The following NELL1 variants were observed in gnomAD, a reference collection of about 807,000 sequenced individuals.
NELL1 encodes the protein neural EGFL like 1.
In NELL1, 76 loss-of-function variants were observed where a neutral mutation model predicts 107.4. The observed-to-expected ratio is 0.71, with a 90% CI of 0.59 to 0.86. The LOEUF (loss-of-function observed/expected upper bound fraction) is 0.86. Ranked by LOEUF, NELL1 falls within the 40% of genes least tolerant of loss-of-function variation. The pLI is 0.00. For synonymous variants in NELL1, 353 were observed against 341.2 expected (o/e 1.03, Z -0.38); for missense variants, 1,024 against 1,005.5 (o/e 1.02, Z -0.25).
chr11:20,673,830 C>T (rs574050549), intron 1 of NELL1, among the ~76,000 whole-genome samples: 4 of 144,894 alleles, frequency 2.8e-5, no homozygotes, highest in African/African-American at 1.0e-4. Flanking sequence ...GGACAAGAAG[C>T]AGAAACAATA....
intron 12 of NELL1, among the ~76,000 whole-genome samples, chr11:20,965,156 A>G (rs947703406): frequency 1.3e-5 from 2 of 152,198 alleles, no homozygotes; most frequent in African/African-American, 4.8e-5. Flanking sequence ...TTGAGTCATC[A>G]GGAGTTTGCT....
At chr11:21,302,308 T>C (rs936278242) in intron 14 of NELL1, among the ~76,000 whole-genome samples, 2 of 152,042 alleles carry the variant, frequency 1.3e-5, no homozygotes, top group African/African-American at 4.8e-5. Flanking sequence ...CTGAGGTGTC[T>C]CTTGTTTTCC....
intron 15 of NELL1, among the ~76,000 whole-genome samples, chr11:21,474,080 A>G (rs1179867711): frequency 1.3e-5 from 2 of 151,992 alleles, no homozygotes; most frequent in African/African-American, 4.8e-5. Context: ...TGTGATCTCA[A>G]TCTGGGCCTA....
chr11:21,061,036 C>A (rs1853729216), intron 12 of NELL1, among the ~76,000 whole-genome samples: 4 of 152,172 alleles, frequency 2.6e-5, no homozygotes, highest in Admixed American at 2.6e-4. Flanking sequence ...CGCCTGGCCC[C>A]ACCCTTTCTT....
At chr11:21,476,629 A>C (rs1854339896) in intron 15 of NELL1, among the ~76,000 whole-genome samples, 2 of 152,154 alleles carry the variant, frequency 1.3e-5, no homozygotes, top group Admixed American at 1.3e-4. Flanking sequence ...AGAACCAAAA[A>C]TCACTGTGAG....
intron 14 of NELL1, among the ~76,000 whole-genome samples, chr11:21,274,439 C>G (rs1357830644): frequency 6.6e-6 from 1 of 152,210 alleles, no homozygotes; most frequent in Non-Finnish European, 1.5e-5. Context: ...GACTCCCACA[C>G]AATAACAATG....
rs538990373 is a variant in NELL1 at position 21,228,899 on chromosome 11, G to A, written c.1427-433G>A. 9.2e-5 allele frequency among the ~76,000 whole-genome samples: 14 copies of A among 151,528 alleles called. No homozygotes were observed. The East Asian group carries it at 2.3e-3, about 25-fold the overall frequency. Reference sequence around the variant, plus strand: ...TGTACAATGCTTAGCAGCATTCCTGGCCTTTATTCCCTAGATTTCAGTATC... The same window carrying A: ...TGTACAATGCTTAGCAGCATTCCTGACCTTTATTCCCTAGATTTCAGTATC... On this transcript the variant is annotated intron_variant, in intron 13 of 19. Transcript: ENST00000357134.
intron 14 of NELL1, among the ~76,000 whole-genome samples, chr11:21,231,550 G>A (rs1248408470): frequency 6.6e-6 from 1 of 152,102 alleles, no homozygotes; most frequent in Non-Finnish European, 1.5e-5. Flanking sequence ...TAAATCTGAG[G>A]AGCAACATAG....
At chr11:21,323,615 C>G (rs939437282) in intron 14 of NELL1, among the ~76,000 whole-genome samples, 4 of 152,064 alleles carry the variant, frequency 2.6e-5, no homozygotes, top group South Asian at 2.1e-4. Context: ...AGATGGCTGC[C>G]CTCTTCATCT....
At chr11:20,674,400 T>A in intron 1 of NELL1, 2 of 1,016,022 alleles carry the variant, frequency 2.0e-6, no homozygotes, top group Non-Finnish European at 2.9e-6. Context: ...GAAGTGTGAA[T>A]ATAGTTTCCC....
intron 15 of NELL1, among the ~76,000 whole-genome samples, chr11:21,456,843 T>C (rs1165277498): frequency 6.6e-6 from 1 of 152,132 alleles, no homozygotes; most frequent in African/African-American, 2.4e-5. Context: ...AACAACTATT[T>C]TCCATGAGAT....
At chr11:21,437,213 G>C (rs1853145732) in intron 15 of NELL1, among the ~76,000 whole-genome samples, 1 of 152,084 alleles carries the variant, frequency 6.6e-6, no homozygotes, top group Non-Finnish European at 1.5e-5. Context: ...GTGGAATGTT[G>C]AAGTTTCTAA....
chr11:20,793,491 T>C (rs1241555528), intron 3 of NELL1, among the ~76,000 whole-genome samples: 2 of 152,148 alleles, frequency 1.3e-5, no homozygotes, highest in African/African-American at 4.8e-5. Context: ...TCATTTCAAA[T>C]TCATTGATTC....
intron 12 of NELL1, among the ~76,000 whole-genome samples, chr11:21,090,397 A>G (rs1287683007): frequency 1.3e-5 from 2 of 152,288 alleles, no homozygotes; most frequent in East Asian, 1.9e-4. Context: ...TTGCCTGTTC[A>G]GTGTTTATTT....
intron 3 of NELL1, among the ~76,000 whole-genome samples, chr11:20,788,250 A>G (rs1257447231): frequency 6.6e-6 from 1 of 151,934 alleles, no homozygotes; most frequent in African/African-American, 2.4e-5. Context: ...TCAGATGGAA[A>G]CTCTGTTTAA....
chr11:21,062,906 C>A (rs1229640002), intron 12 of NELL1, among the ~76,000 whole-genome samples: 1 of 152,152 alleles, frequency 6.6e-6, no homozygotes, highest in Non-Finnish European at 1.5e-5. Flanking sequence ...CAGCTCACTG[C>A]AACCTCTGCC....
intron 13 of NELL1, among the ~76,000 whole-genome samples, chr11:21,159,422 C>T (rs984420446): frequency 6.6e-6 from 1 of 152,164 alleles, no homozygotes; most frequent in African/African-American, 2.4e-5. Flanking sequence ...CATCTAAGAT[C>T]CTGCCTTAGG....
chr11:21,494,011 A>T (rs1267626678), intron 15 of NELL1, among the ~76,000 whole-genome samples: 1 of 151,906 alleles, frequency 6.6e-6, no homozygotes, highest in Non-Finnish European at 1.5e-5. Flanking sequence ...ATTATTGTAC[A>T]TATATTTTTC....
At chr11:20,907,436 A>T (rs1320169650) in intron 5 of NELL1, among the ~76,000 whole-genome samples, 2 of 152,134 alleles carry the variant, frequency 1.3e-5, no homozygotes, top group Non-Finnish European at 2.9e-5. Flanking sequence ...TCTCCAAAGA[A>T]GATATACAAA....
Sources: allele counts gnomAD v4.1 joint callset (sites outside exome capture counted in the v4.1 genomes callset), GRCh38; gene constraint gnomAD v4.1.1; transcripts MANE v1.5; gene names NCBI Gene and HGNC (gene_info 2026-07-23, HGNC 2026-07-21).